The following NAALADL2 variants were observed in gnomAD, a reference collection of about 807,000 sequenced individuals.
NAALADL2 encodes the protein N-acetylated alpha-linked acidic dipeptidase like 2.
A neutral mutation model predicts 87.2 loss-of-function variants in NAALADL2; 76 were observed. The observed-to-expected ratio is 0.87, with a 90% CI of 0.72 to 1.05. The LOEUF (loss-of-function observed/expected upper bound fraction) is 1.05, where lower values mean the gene tolerates loss of function less well. Ranked by LOEUF, NAALADL2 falls within the 50% of genes least tolerant of loss-of-function variation. NAALADL2 has a pLI of 0.00. For missense variants in NAALADL2, 1,089 were observed against 945.8 expected, an observed-to-expected ratio of 1.15 and a Z score of -1.99; for synonymous variants, 354 against 331.0, an observed-to-expected ratio of 1.07 and a Z score of -0.75.
intron 11 of NAALADL2, among the ~76,000 whole-genome samples, chr3:175,634,467 A>G (rs1728237848): frequency 6.6e-6 from 1 of 151,992 alleles, no homozygotes; most frequent in Non-Finnish European, 1.5e-5. Flanking sequence ...AGAATAAATT[A>G]TCTTGAGATG....
intron 1 of NAALADL2, among the ~76,000 whole-genome samples, chr3:175,068,074 C>G (rs975795078): frequency 5.3e-5 from 8 of 151,938 alleles, no homozygotes; most frequent in African/African-American, 1.9e-4. Context: ...ATGAGAGACT[C>G]TAGGAACTAT....
chr3:174,606,430 T>C lies in NAALADL2; in HGVS notation c.-115+55793T>C, dbSNP rs9839879. Reference sequence around the variant, plus strand: ...GAAGTTAAAAACTTTGAAAAAAATTTAGACGAATGTATAACTAGAATAACC... The same window carrying C: ...GAAGTTAAAAACTTTGAAAAAAATTCAGACGAATGTATAACTAGAATAACC... On this transcript the variant is annotated intron_variant, in intron 2 of 3. Coordinates refer to the NAALADL2 transcript ENST00000434257. 2.5e-3 allele frequency among the ~76,000 whole-genome samples: 382 copies of C among 152,260 alleles called. 5 individuals are homozygous for C. Among genetic ancestry groups the C allele is most frequent in the African/African-American group, 9.0e-3 (375 of 41,556 alleles).
At chr3:174,698,376 A>G (rs1349044661) in intron 2 of NAALADL2, among the ~76,000 whole-genome samples, 1 of 152,088 alleles carries the variant, frequency 6.6e-6, no homozygotes, top group Non-Finnish European at 1.5e-5. Flanking sequence ...CTATGATTCT[A>G]GGTAGAGAGA....
At chr3:175,344,080 G>A (rs1009822718) in intron 5 of NAALADL2, among the ~76,000 whole-genome samples, 16 of 152,136 alleles carry the variant, frequency 1.1e-4, no homozygotes, top group African/African-American at 3.9e-4. Context: ...TTTTCTGCCA[G>A]AATCACCCAT....
At chr3:175,665,929 C>G (rs549646960) in intron 11 of NAALADL2, among the ~76,000 whole-genome samples, 4 of 151,662 alleles carry the variant, frequency 2.6e-5, no homozygotes, top group Admixed American at 1.3e-4. Context: ...GACTCTGTCC[C>G]CCCCCCAAAA....
chr3:175,497,727 A>G (rs1316519501), intron 9 of NAALADL2, among the ~76,000 whole-genome samples: 2 of 152,056 alleles, frequency 1.3e-5, no homozygotes, highest in African/African-American at 4.8e-5. Context: ...TTCAACTACT[A>G]TTTTAGTTAG....
At chr3:174,855,677 A>T (rs570480738), upstream of NAALADL2, among the ~76,000 whole-genome samples, 21 of 151,478 alleles carry the variant, frequency 1.4e-4, no homozygotes, top group African/African-American at 4.6e-4. Context: ...CACAAAATTC[A>T]TTGCAGGCTC....
intron 2 of NAALADL2, among the ~76,000 whole-genome samples, chr3:174,692,941 A>C (rs980918359): frequency 1.3e-5 from 1 of 74,092 alleles, no homozygotes; most frequent in African/African-American, 3.6e-5. Context: ...GTAGGGACCC[A>C]TATGAACTCA....
At chr3:174,600,467 T>C (rs73042676) in intron 2 of NAALADL2, among the ~76,000 whole-genome samples, 3,486 of 152,252 alleles carry the variant, frequency 0.023, 127 homozygotes, top group African/African-American at 0.078. Flanking sequence ...TCGAATTCCC[T>C]AACTTCTCTA....
At chr3:174,846,243 C>G (rs192379202) in intron 3 of NAALADL2, among the ~76,000 whole-genome samples, 1 of 152,202 alleles carries the variant, frequency 6.6e-6, no homozygotes, top group East Asian at 1.9e-4. Context: ...TTGCTCTCCT[C>G]TCTATGTTGG....
At chr3:174,840,847 AG>A (rs1372255247) in intron 3 of NAALADL2, among the ~76,000 whole-genome samples, 3 of 152,126 alleles carry the variant, frequency 2.0e-5, no homozygotes, top group Non-Finnish European at 4.4e-5. Context: ...GCTTGGGGGA[AG>A]GCTGGATACT....
chr3:174,817,888 C>T (rs1037457821), intron 3 of NAALADL2, among the ~76,000 whole-genome samples: 2 of 152,090 alleles, frequency 1.3e-5, no homozygotes, highest in African/African-American at 4.8e-5. Flanking sequence ...AAAGCTTGTT[C>T]GTTTTCAGAT....
intron 9 of NAALADL2, among the ~76,000 whole-genome samples, chr3:175,530,948 A>C (rs906797368): frequency 3.3e-5 from 5 of 152,196 alleles, no homozygotes; most frequent in Admixed American, 6.5e-5. Context: ...TCAAAAGGAG[A>C]GTAGTTATCT....
chr3:175,535,014 A>G (rs963094991), intron 9 of NAALADL2, among the ~76,000 whole-genome samples: 1 of 152,064 alleles, frequency 6.6e-6, no homozygotes, highest in African/African-American at 2.4e-5. Flanking sequence ...GTTTTGTACT[A>G]TTTGGCTTCA....
intron 4 of NAALADL2, among the ~76,000 whole-genome samples, chr3:175,266,068 G>A (rs1327533464): frequency 6.6e-6 from 1 of 150,378 alleles, no homozygotes; most frequent in African/African-American, 2.4e-5. Flanking sequence ...GGTAAAAAAG[G>A]TACTTCTTAT....
intron 11 of NAALADL2, among the ~76,000 whole-genome samples, chr3:175,669,730 T>C (rs1274120031): frequency 6.6e-6 from 1 of 151,964 alleles, no homozygotes; most frequent in East Asian, 1.9e-4. Flanking sequence ...ATTAAGGCAA[T>C]ATAAGGTAAG....
chr3:175,556,987 G>T (rs1349071983), intron 9 of NAALADL2, among the ~76,000 whole-genome samples: 1 of 152,104 alleles, frequency 6.6e-6, no homozygotes, highest in Non-Finnish European at 1.5e-5. Context: ...CTTAATTCAG[G>T]GTTTACACCA....
intron 9 of NAALADL2, among the ~76,000 whole-genome samples, chr3:175,495,087 TA>T (rs1728620457): frequency 6.9e-6 from 1 of 143,888 alleles, no homozygotes; most frequent in Non-Finnish European, 1.5e-5. Context: ...TATATATATA[TA>T]TATATTTTTT....
At chr3:174,785,682 G>A (rs1038931634) in intron 3 of NAALADL2, among the ~76,000 whole-genome samples, 2 of 151,976 alleles carry the variant, frequency 1.3e-5, no homozygotes, top group Admixed American at 6.6e-5. Flanking sequence ...TCAATTGAGC[G>A]GACATTAAGA....
Sources: gnomAD v4.1 joint callset for allele counts (sites outside exome capture counted in the v4.1 genomes callset) on GRCh38, gnomAD v4.1.1 for gene constraint, MANE v1.5 for transcripts, NCBI Gene and HGNC (gene_info 2026-07-23, HGNC 2026-07-21) for gene names.